The following BAIAP2L1 variants were observed in gnomAD, a reference collection of about 807,000 sequenced individuals.
BAIAP2L1 encodes the protein BAR/IMD domain-containing adapter protein 2-like 1.
BAIAP2L1 carries 35 observed loss-of-function variants against 66.3 expected under a neutral mutation model. The ratio of observed to expected loss-of-function variants is 0.53; its 90% CI spans 0.40 to 0.70. BAIAP2L1 has a LOEUF of 0.70. Among genes scored for constraint, BAIAP2L1 ranks in the 30% least tolerant of loss-of-function variants. The pLI, the probability that BAIAP2L1 is intolerant of heterozygous loss-of-function variation, is 0.00. For synonymous variants in BAIAP2L1, 269 were observed against 248.7 expected (o/e 1.08, Z -0.77); for missense variants, 622 against 656.9 (o/e 0.95, Z 0.58).
intron 3 of BAIAP2L1, among the ~76,000 whole-genome samples, chr7:98,354,586 G>A (rs533928914): frequency 4.6e-5 from 7 of 152,294 alleles, no homozygotes; most frequent in South Asian, 2.1e-4. Flanking sequence ...ACAGGAGAGC[G>A]ATTCATACCA....
At chr7:98,340,538 C>T (rs556957595) in intron 3 of BAIAP2L1, among the ~76,000 whole-genome samples, 3 of 152,236 alleles carry the variant, frequency 2.0e-5, no homozygotes, top group South Asian at 4.1e-4. Context: ...CCACCCGCCT[C>T]GGCCTCCCAA....
chr7:98,374,476 G>A (rs1802576551), intron 1 of BAIAP2L1, among the ~76,000 whole-genome samples: 1 of 152,152 alleles, frequency 6.6e-6, no homozygotes, highest in Admixed American at 6.6e-5. Context: ...GTGGGGTGGA[G>A]TCAGCTCCAG....
At chr7:98,397,386 GCC>G (rs1803240474) in intron 1 of BAIAP2L1, among the ~76,000 whole-genome samples, 1 of 138,160 alleles carries the variant, frequency 7.2e-6, no homozygotes, top group African/African-American at 2.7e-5. Context: ...GTGCAGTGGC[GCC>G]ATCTTGGCTC....
At chr7:98,396,359 G>A (rs1211646534) in intron 1 of BAIAP2L1, among the ~76,000 whole-genome samples, 2 of 152,198 alleles carry the variant, frequency 1.3e-5, no homozygotes, top group East Asian at 1.9e-4. Flanking sequence ...ATGAGCCACC[G>A]CTCCTAGCCT....
chr7:98,342,201 G>A (rs1246528200), intron 3 of BAIAP2L1, among the ~76,000 whole-genome samples: 3 of 151,812 alleles, frequency 2.0e-5, no homozygotes, highest in Admixed American at 6.6e-5. Flanking sequence ...ACAGGTGTAC[G>A]CCACCATGCC....
chr7:98,292,998 T>TA lies in BAIAP2L1; in HGVS notation c.*522dup. ...TCTCCATCTCTGGAAGCTCTACACT[T>TA]AAACATTTTAAGTTAAATTACATTT... On this transcript the variant is annotated 3_prime_UTR_variant, in exon 14 of 14. Coordinates refer to ENST00000005260, the MANE Select transcript of BAIAP2L1 (RefSeq NM_018842.5). 1 of 1,132,392 alleles carries TA rather than the reference T, an allele frequency of 8.8e-7. No homozygotes were observed. The highest frequency in any genetic ancestry group is 1.1e-6 in the Non-Finnish European group (1 of 918,002). 70.1% of individuals were successfully genotyped at this position (1,132,392 alleles called of 1,614,324 possible).
At chr7:98,387,084 C>T (rs1297025701) in intron 1 of BAIAP2L1, among the ~76,000 whole-genome samples, 1 of 152,156 alleles carries the variant, frequency 6.6e-6, no homozygotes, top group East Asian at 1.9e-4. Flanking sequence ...TTCCTTCTTT[C>T]TTCCCATATT....
intron 1 of BAIAP2L1, chr7:98,386,122 G>A: frequency 6.3e-7 from 1 of 1,591,588 alleles, no homozygotes; most frequent in East Asian, 2.2e-5. Flanking sequence ...TTGGTGCTGA[G>A]CATAAGAGGT....
intron 1 of BAIAP2L1, among the ~76,000 whole-genome samples, chr7:98,373,398 T>C (rs568998606): frequency 6.6e-6 from 1 of 152,356 alleles, no homozygotes; most frequent in East Asian, 1.9e-4. Context: ...TATTGGTCTA[T>C]ATTAGCTATT....
chr7:98,355,340 C>T (rs1802095021), intron 2 of BAIAP2L1: 1 of 575,668 alleles, frequency 1.7e-6, no homozygotes, highest in Non-Finnish European at 3.1e-6. Flanking sequence ...ATCCTCGTCT[C>T]TGACCAGCCC....
rs1800011810 is a variant in BAIAP2L1, at chr7:98,292,549, G to A, written c.*972C>T. 3 of 1,263,176 alleles carry A rather than the reference G, an allele frequency of 2.4e-6. No individual in the cohort carries two copies. In the Admixed American group the frequency reaches 6.0e-5, roughly 25 times the overall value. 78.2% of individuals were successfully genotyped at this position (1,263,176 alleles called of 1,614,324 possible). On this transcript the variant is annotated 3_prime_UTR_variant, in exon 14 of 14. Coordinates refer to ENST00000005260, the MANE Select transcript of BAIAP2L1 (RefSeq NM_018842.5). ...GATGATTTCCAGCCCCGGGCTCAGG[G>A]CAGCCAGTGCGTAGTCCTCACATCC...
chr7:98,339,386 T>C (rs1307398482), intron 3 of BAIAP2L1, among the ~76,000 whole-genome samples: 2 of 152,266 alleles, frequency 1.3e-5, no homozygotes, highest in African/African-American at 4.8e-5. Flanking sequence ...CATCTTTTCA[T>C]GTGCTTGTTG....
At chr7:98,302,662 CAA>C (rs1429594529) in intron 12 of BAIAP2L1, among the ~76,000 whole-genome samples, 1 of 152,184 alleles carries the variant, frequency 6.6e-6, no homozygotes, top group Admixed American at 6.5e-5. Context: ...GGTTCTTCTA[CAA>C]AGAGACTGCT....
At chr7:98,398,718 T>A (rs1263640477) in intron 1 of BAIAP2L1, among the ~76,000 whole-genome samples, 2 of 152,190 alleles carry the variant, frequency 1.3e-5, no homozygotes, top group African/African-American at 4.8e-5. Context: ...GGTTGGCATT[T>A]GTGACGCTGC....
chr7:98,298,183 G>A (rs1333971951), intron 12 of BAIAP2L1, among the ~76,000 whole-genome samples: 1 of 152,218 alleles, frequency 6.6e-6, no homozygotes, highest in Non-Finnish European at 1.5e-5. Context: ...CTAATAAGAC[G>A]CGCCGTCACA....
At chr7:98,315,382 C>A in intron 7 of BAIAP2L1, 78 bp downstream of exon 7, 1 of 1,284,218 alleles carries the variant, frequency 7.8e-7, no homozygotes, top group Admixed American at 3.1e-5. Flanking sequence ...AGGCGTGGGC[C>A]ACGGCCCAGC....
chr7:98,334,812 C>T (rs987330807), intron 3 of BAIAP2L1, among the ~76,000 whole-genome samples: 1 of 149,388 alleles, frequency 6.7e-6, no homozygotes, highest in East Asian at 2.1e-4. Flanking sequence ...TCCCAAAGTG[C>T]TGGGATTACA....
chr7:98,308,316 G>T (rs1406533837), intron 9 of BAIAP2L1: 1 of 459,112 alleles, frequency 2.2e-6, no homozygotes, highest in East Asian at 6.9e-5. Context: ...TGTCCACAAA[G>T]AAAAGAAGAA....
At chr7:98,399,548 AACCG>A (rs1362193218) in intron 1 of BAIAP2L1, among the ~76,000 whole-genome samples, 1 of 152,190 alleles carries the variant, frequency 6.6e-6, no homozygotes, top group Non-Finnish European at 1.5e-5. Flanking sequence ...CCAACCAACC[AACCG>A]ACCAACCATT....
Sources: allele counts gnomAD v4.1 joint callset (sites outside exome capture counted in the v4.1 genomes callset), GRCh38; gene constraint gnomAD v4.1.1; transcripts MANE v1.5; gene names NCBI Gene and HGNC (gene_info 2026-07-23, HGNC 2026-07-21).